LHFPL3: variants seen among roughly 807,000 people sequenced by gnomAD.
LHFPL3 encodes LHFPL tetraspan subfamily member 3 protein.
LHFPL3 carries 5 observed loss-of-function variants against 19.3 expected under a neutral mutation model. The observed-to-expected ratio is 0.26, with a 90% CI of 0.14 to 0.54. The LOEUF (loss-of-function observed/expected upper bound fraction) is 0.54, where lower values mean the gene tolerates loss of function less well. Ranked by LOEUF, LHFPL3 falls within the 20% of genes least tolerant of loss-of-function variation. The pLI is 0.94. For missense variants in LHFPL3, 249 were observed against 307.4 expected, an observed-to-expected ratio of 0.81 and a Z score of 1.42; for synonymous variants, 133 against 126.2, an observed-to-expected ratio of 1.05 and a Z score of -0.36.
chr7:104,814,724 C>T (rs1257813693), intron 2 of LHFPL3, among the ~76,000 whole-genome samples: 2 of 152,228 alleles, frequency 1.3e-5, no homozygotes, highest in African/African-American at 4.8e-5. Context: ...CTCCTATGCT[C>T]GTCAGTGCCC....
At chr7:104,607,558 C>T (rs1034303849) in intron 1 of LHFPL3, among the ~76,000 whole-genome samples, 4 of 152,086 alleles carry the variant, frequency 2.6e-5, no homozygotes, top group African/African-American at 9.7e-5. Flanking sequence ...ACCGAAGATC[C>T]AGGGGTTATT....
intron 2 of LHFPL3, among the ~76,000 whole-genome samples, chr7:104,800,474 A>G (rs1470445917): frequency 6.6e-6 from 1 of 152,086 alleles, no homozygotes; most frequent in African/African-American, 2.4e-5. Context: ...TGCCTTCCTT[A>G]AACTTATCCA....
chr7:104,836,470 C>G (rs1196586922), intron 2 of LHFPL3, among the ~76,000 whole-genome samples: 1 of 152,118 alleles, frequency 6.6e-6, no homozygotes, highest in Non-Finnish European at 1.5e-5. Flanking sequence ...CCCACGCAGC[C>G]ACGCAGGAAG....
intron 1 of LHFPL3, among the ~76,000 whole-genome samples, chr7:104,579,029 T>A (rs951454557): frequency 1.3e-5 from 2 of 152,182 alleles, no homozygotes; most frequent in Non-Finnish European, 2.9e-5. Flanking sequence ...CCCTAATGGA[T>A]CTTAGCTTAT....
intron 2 of LHFPL3, among the ~76,000 whole-genome samples, chr7:104,858,693 T>G (rs1306219418): frequency 6.6e-6 from 1 of 152,194 alleles, no homozygotes; most frequent in Non-Finnish European, 1.5e-5. Flanking sequence ...TTCAACCTTT[T>G]ATATTCTCAT....
intron 1 of LHFPL3, among the ~76,000 whole-genome samples, chr7:104,479,232 C>A (rs944458314): frequency 5.9e-5 from 9 of 152,164 alleles, no homozygotes; most frequent in African/African-American, 1.7e-4. Context: ...TGCTAACATA[C>A]AAACACTAAC....
At chr7:104,531,921 T>A (rs10274079) in intron 1 of LHFPL3, among the ~76,000 whole-genome samples, 19 of 151,890 alleles carry the variant, frequency 1.3e-4, no homozygotes, top group Non-Finnish European at 2.8e-4. Flanking sequence ...GTCATCAGGA[T>A]GCAGATTGGT....
intron 1 of LHFPL3, among the ~76,000 whole-genome samples, chr7:104,467,800 A>C (rs979988164): frequency 1.3e-5 from 2 of 152,198 alleles, no homozygotes; most frequent in Non-Finnish European, 1.5e-5. Flanking sequence ...TTGGATACCA[A>C]GTCATTTGGT....
intron 1 of LHFPL3, among the ~76,000 whole-genome samples, chr7:104,439,956 C>A (rs1292528125): frequency 6.7e-6 from 1 of 149,380 alleles, no homozygotes; most frequent in East Asian, 2.0e-4. Context: ...GAGCTACAAC[C>A]ACCACCACCA....
intron 1 of LHFPL3, among the ~76,000 whole-genome samples, chr7:104,701,556 T>C (rs6466013): frequency 0.99 from 151,405 of 152,288 alleles, 75,270 homozygotes; most frequent in East Asian, 1. Flanking sequence ...TCTTTATGTT[T>C]GTTGTCTTCA....
intron 1 of LHFPL3, among the ~76,000 whole-genome samples, chr7:104,420,621 G>A (rs1435241164): frequency 1.4e-5 from 2 of 146,774 alleles, no homozygotes; most frequent in African/African-American, 5.0e-5. Flanking sequence ...GTGCAGTGGC[G>A]CGATCTCGGC....
intron 2 of LHFPL3, among the ~76,000 whole-genome samples, chr7:104,830,086 G>A (rs1790921376): frequency 6.6e-6 from 1 of 151,978 alleles, no homozygotes; most frequent in African/African-American, 2.4e-5. Context: ...GGCCAGTGAT[G>A]ATGAGCATTT....
At chr7:104,413,301 C>G (rs998120583) in intron 1 of LHFPL3, among the ~76,000 whole-genome samples, 13 of 152,184 alleles carry the variant, frequency 8.5e-5, no homozygotes, top group African/African-American at 3.1e-4. Context: ...GCCATTCTCA[C>G]GGTGTCTGTT....
At chr7:104,366,459 T>C (rs1325653591) in intron 1 of LHFPL3, among the ~76,000 whole-genome samples, 1 of 152,206 alleles carries the variant, frequency 6.6e-6, no homozygotes, top group Non-Finnish European at 1.5e-5. Flanking sequence ...TCCAGGATGA[T>C]GGCAGAAGAT....
chr7:104,754,004 C>A (rs1794229643), intron 2 of LHFPL3, among the ~76,000 whole-genome samples: 2 of 152,030 alleles, frequency 1.3e-5, no homozygotes, highest in South Asian at 4.1e-4. Flanking sequence ...GGATTTACAC[C>A]CAGGAAATTT....
intron 2 of LHFPL3, among the ~76,000 whole-genome samples, chr7:104,854,245 C>G (rs1791460596): frequency 6.6e-6 from 1 of 150,416 alleles, no homozygotes. Context: ...GGGAGGTGAC[C>G]AGGAAAAGCA....
At chr7:104,523,627 A>G (rs1794124488) in intron 1 of LHFPL3, among the ~76,000 whole-genome samples, 1 of 152,142 alleles carries the variant, frequency 6.6e-6, no homozygotes, top group African/African-American at 2.4e-5. Context: ...TAGTACACAT[A>G]TAGTCACTTA....
chr7:104,463,018 A>T (rs10234285), intron 1 of LHFPL3, among the ~76,000 whole-genome samples: 25,737 of 152,104 alleles, frequency 0.17, 2,180 homozygotes, highest in Middle Eastern at 0.2. Context: ...TTTCTAGTTT[A>T]TATGCATAGA....
At chr7:104,667,155 GT>G (rs780923529) in intron 1 of LHFPL3, among the ~76,000 whole-genome samples, 3 of 150,408 alleles carry the variant, frequency 2.0e-5, no homozygotes, top group South Asian at 4.2e-4. Context: ...CACCAGCATG[GT>G]TTTTTTTTCT....
Sources: allele counts gnomAD v4.1 joint callset (sites outside exome capture counted in the v4.1 genomes callset), GRCh38; gene constraint gnomAD v4.1.1; transcripts MANE v1.5; gene names NCBI Gene and HGNC (gene_info 2026-07-23, HGNC 2026-07-21).